The following RNF212 variants were observed in gnomAD, a reference collection of about 807,000 sequenced individuals.
RNF212 encodes probable E3 SUMO-protein ligase RNF212.
RNF212 carries 33 observed loss-of-function variants against 34.7 expected under a neutral mutation model. The observed-to-expected ratio is 0.95, with a 90% CI of 0.72 to 1.27. The LOEUF is 1.27. RNF212 is among the 50% of genes most tolerant of loss of function. The pLI is 0.00. For missense variants in RNF212, 377 were observed against 362.2 expected (o/e 1.04, Z -0.33); for synonymous variants, 140 against 136.1 (o/e 1.03, Z -0.20).
chr4:1,091,023 G>C (rs1033602780), intron 3 of RNF212, among the ~76,000 whole-genome samples, 185 bp from the exon 4 acceptor site: 3 of 152,336 alleles, frequency 2.0e-5, no homozygotes, highest in Admixed American at 6.5e-5. Context: ...GCAAACACAG[G>C]GGAGGCTTAA....
chr4:1,085,539 T>A (rs1018170128), intron 5 of RNF212, among the ~76,000 whole-genome samples: 1 of 152,224 alleles, frequency 6.6e-6, no homozygotes, highest in Non-Finnish European at 1.5e-5. Flanking sequence ...GCAGCCAGGC[T>A]GCAGGTGGAG....
At chr4:1,103,307 C>T (rs896689462) in intron 2 of RNF212, among the ~76,000 whole-genome samples, 1 of 152,138 alleles carries the variant, frequency 6.6e-6, no homozygotes, top group Non-Finnish European at 1.5e-5. Context: ...CTCCTGAATG[C>T]TACCAAACAT....
At chr4:1,111,991 T>TA (rs1479720185) in intron 1 of RNF212, among the ~76,000 whole-genome samples, 1 of 152,164 alleles carries the variant, frequency 6.6e-6, no homozygotes, top group African/African-American at 2.4e-5. Context: ...CGGTGATTGT[T>TA]AGAGGACAGG....
At chr4:1,103,149 G>A (rs567659388) in intron 2 of RNF212, among the ~76,000 whole-genome samples, 14 of 152,090 alleles carry the variant, frequency 9.2e-5, no homozygotes, top group Non-Finnish European at 1.9e-4. Context: ...AAATTCCAAC[G>A]AAATGCACTA....
At chr4:1,073,825 C>T (rs185173974) in intron 8 of RNF212, 163 bp from the exon 9 acceptor site, 13 of 633,806 alleles carry the variant, frequency 2.1e-5, no homozygotes, top group African/African-American at 9.0e-5. Flanking sequence ...GTTCACCTCC[C>T]GACTCTGCCT....
intron 4 of RNF212, among the ~76,000 whole-genome samples, chr4:1,057,862 C>T (rs187867500): frequency 3.9e-5 from 6 of 152,230 alleles, no homozygotes; most frequent in East Asian, 1.9e-4. Context: ...GTCGGGAGTT[C>T]GAGACCAGCC....
intron 3 of RNF212, among the ~76,000 whole-genome samples, chr4:1,063,156 A>C (rs1437342643): frequency 1.3e-5 from 2 of 152,212 alleles, no homozygotes; most frequent in Non-Finnish European, 2.9e-5. Flanking sequence ...AGGTGAATTA[A>C]AACTCTACCG....
At chr4:1,094,551 TG>T (rs1278050628) in intron 3 of RNF212, among the ~76,000 whole-genome samples, 1 of 152,008 alleles carries the variant, frequency 6.6e-6, no homozygotes, top group Non-Finnish European at 1.5e-5. Context: ...GAGCCAACAC[TG>T]CCACAGCAGG....
rs892145700 is a variant in RNF212 at position 1,086,367 on chromosome 4, A to G, written c.304-413T>C. Among the ~76,000 whole-genome samples, 5 of 151,850 alleles carry G rather than the reference A, an allele frequency of 3.3e-5. No individual in the cohort carries two copies. The South Asian group carries it at 1.0e-3, about 32-fold the overall frequency. Reference sequence around the variant, plus strand: ...TGTGTGGGAGCTGCCAGACCCCAAGAGAGTGACTAGAGTCTAGGATCCCAC... The same window carrying G: ...TGTGTGGGAGCTGCCAGACCCCAAGGGAGTGACTAGAGTCTAGGATCCCAC... On this transcript the variant is annotated intron_variant, in intron 4 of 9. Coordinates refer to ENST00000433731, the MANE Select transcript of RNF212 (RefSeq NM_001131034.4).
chr4:1,070,471 T>C (rs1577632998), downstream of RNF212, among the ~76,000 whole-genome samples: 2 of 88,248 alleles, frequency 2.3e-5, no homozygotes. Flanking sequence ...CGTAGGACTG[T>C]GCTGTGTCAG....
chr4:1,101,100 T>TAA (rs1723909732), intron 2 of RNF212: 1 of 160,686 alleles, frequency 6.2e-6, no homozygotes, highest in Non-Finnish European at 1.4e-5. Flanking sequence ...AAATCTCTAT[T>TAA]AACAGGAATT....
intron 2 of RNF212, among the ~76,000 whole-genome samples, chr4:1,097,473 C>T (rs62294753): frequency 0.045 from 6,776 of 152,062 alleles, 168 homozygotes; most frequent in Middle Eastern, 0.075. Flanking sequence ...GGCGTGGTGA[C>T]GGGCACCTGT....
downstream of RNF212, among the ~76,000 whole-genome samples, chr4:1,069,778 C>T (rs558829118): frequency 3.3e-5 from 5 of 152,180 alleles, no homozygotes; most frequent in African/African-American, 1.2e-4. Context: ...GAATTTGAGG[C>T]CTTTATTCTT....
chr4:1,074,079 C>G (rs1718874943), intron 8 of RNF212, among the ~76,000 whole-genome samples: 1 of 152,208 alleles, frequency 6.6e-6, no homozygotes, highest in African/African-American at 2.4e-5. Flanking sequence ...CTGCTCAGAG[C>G]TGTGTGTGCT....
At chr4:1,057,137 G>T in intron 4 of RNF212, 1 of 257,576 alleles carries the variant, frequency 3.9e-6, no homozygotes, top group Non-Finnish European at 6.1e-6. Flanking sequence ...GGAGCAGCAC[G>T]CACACCCCCG....
At chr4:1,085,144 C>G (rs1720966139) in intron 5 of RNF212, among the ~76,000 whole-genome samples, 1 of 152,232 alleles carries the variant, frequency 6.6e-6, no homozygotes, top group Admixed American at 6.5e-5. Context: ...CAAACGGGGG[C>G]TTGTGACTAT....
downstream of RNF212, among the ~76,000 whole-genome samples, chr4:1,070,526 CTG>C (rs1718399804): frequency 1.1e-5 from 1 of 87,452 alleles, no homozygotes; most frequent in African/African-American, 3.0e-5. Context: ...TAGGGCTGTG[CTG>C]TGTCAGCGTG....
chr4:1,075,179 C>T (rs1012420133), intron 8 of RNF212, among the ~76,000 whole-genome samples: 4 of 152,190 alleles, frequency 2.6e-5, no homozygotes, highest in Non-Finnish European at 5.9e-5. Flanking sequence ...GGGCTGTGTA[C>T]GCATCGGTGT....
At chr4:1,083,116 GA>G (rs111234626) in intron 5 of RNF212, among the ~76,000 whole-genome samples, 15 of 152,318 alleles carry the variant, frequency 9.8e-5, no homozygotes, top group African/African-American at 2.9e-4. Flanking sequence ...TAGAGAGTGG[GA>G]TTGGCCTGTG....
Sources: allele counts gnomAD v4.1 joint callset (sites outside exome capture counted in the v4.1 genomes callset), GRCh38; gene constraint gnomAD v4.1.1; transcripts MANE v1.5; gene names NCBI Gene and HGNC (gene_info 2026-07-23, HGNC 2026-07-21).